Variants in ZNF207 observed in about 807,000 individuals in gnomAD.
ZNF207 encodes the protein BUB3-interacting and GLEBS motif-containing protein ZNF207.
Under a neutral mutation model 60.2 loss-of-function variants are expected in ZNF207, and 24 were observed. That is an observed-to-expected ratio of 0.40 (90% CI 0.29 to 0.56). The LOEUF is 0.56. ZNF207 is among the 20% of genes least tolerant of loss of function. The pLI, the probability that ZNF207 is intolerant of heterozygous loss-of-function variation, is 0.49. For synonymous variants in ZNF207, 236 were observed against 194.7 expected (o/e 1.21, Z -1.77); for missense variants, 452 against 636.6 (o/e 0.71, Z 3.12).
intron 7 of ZNF207, among the ~76,000 whole-genome samples, chr17:32,363,999 G>T (rs989930977): frequency 2.0e-5 from 3 of 151,706 alleles, no homozygotes; most frequent in African/African-American, 7.3e-5. Context: ...CAGACAAGAA[G>T]GGGTGTCGGT....
rs1303842577 is a variant in ZNF207, at chr17:32,362,676, ATGT to A, written c.600-236_600-234del. The A allele has an allele frequency of 9.9e-6, 4 of 404,162 alleles. No individual in the cohort carries two copies. In the East Asian group the frequency reaches 1.5e-4, roughly 16 times the overall value. 25.0% of individuals were successfully genotyped at this position (404,162 alleles called of 1,614,324 possible). ...TATATTTGTTCTCAAATGACTTTAA[ATGT>A]TTTGTCAACATTTTTTTTTTATTGG... is the stretch of plus-strand genomic sequence containing the variant. On this transcript the variant is annotated intron_variant, in intron 6 of 11. Coordinates refer to ENST00000394670, the MANE Select transcript of ZNF207 (RefSeq NM_001098507.2).
chr17:32,354,695 C>A (rs1904402524), intron 2 of ZNF207, among the ~76,000 whole-genome samples: 1 of 152,076 alleles, frequency 6.6e-6, no homozygotes, highest in African/African-American at 2.4e-5. Flanking sequence ...CTCACCGCAG[C>A]CTCTGCCCTC....
At chr17:32,356,831 G>A (rs1456412465) in intron 2 of ZNF207, among the ~76,000 whole-genome samples, 1 of 152,104 alleles carries the variant, frequency 6.6e-6, no homozygotes, top group African/African-American at 2.4e-5. Flanking sequence ...CGCTTATGTA[G>A]CAAAACAATA....
At chr17:32,356,006 A>C (rs952611014) in intron 2 of ZNF207, among the ~76,000 whole-genome samples, 1 of 152,160 alleles carries the variant, frequency 6.6e-6, no homozygotes, top group South Asian at 2.1e-4. Flanking sequence ...GGAAGCTTCA[A>C]GGTTAGTTGA....
Position 32,380,209 on chromosome 17 carries a change from G to C in ZNF207, c.*10450G>C, listed in dbSNP as rs535883264. 26 of 152,762 alleles carry C rather than the reference G, an allele frequency of 1.7e-4. No homozygotes were observed. The South Asian group carries it at 5.0e-3, about 29-fold the overall frequency. The allele number at this position is 152,762 out of a possible 1,614,324, so 9.5% of individuals were successfully genotyped here. ...TGAAAATTTGGTAAGTATTTAACTTGAAGTGCATGTAATAGTGATGAGAGT... is the reference window on the plus strand; with the variant it reads ...TGAAAATTTGGTAAGTATTTAACTTCAAGTGCATGTAATAGTGATGAGAGT... On this transcript the variant is annotated 3_prime_UTR_variant, in exon 12 of 12. Coordinates refer to ENST00000394670, the MANE Select transcript of ZNF207 (RefSeq NM_001098507.2).
At chr17:32,362,501 T>C (rs1469451974) in intron 6 of ZNF207, among the ~76,000 whole-genome samples, 1 of 152,218 alleles carries the variant, frequency 6.6e-6, no homozygotes, top group African/African-American at 2.4e-5. Context: ...ATTCATTCAA[T>C]CTTTTTCTTT....
Position 32,367,810 on chromosome 17 carries a change from C to T in ZNF207, c.960C>T (p.Phe320=), listed in dbSNP as rs774307870. 1.5e-5 allele frequency: 24 copies of T among 1,614,128 alleles called. No homozygotes were observed. In the South Asian group the frequency reaches 2.5e-4, roughly 17 times the overall value. The change falls in exon 10 of 12, where the codon TTC becomes TTT. Residue 320 remains phenylalanine (F), a synonymous_variant. Coordinates refer to ENST00000394670, the MANE Select transcript of ZNF207 (RefSeq NM_001098507.2). ...TCCAAGGACCTGTTGGTACAGATTTCAAACCCTTAAATAGTACCCCTGCAA... is the reference window on the plus strand; with the variant it reads ...TCCAAGGACCTGTTGGTACAGATTTTAAACCCTTAAATAGTACCCCTGCAA... ...AAVQGPVGTD[F]KPLNSTPATT...
intron 5 of ZNF207, 102 bp downstream of exon 5, chr17:32,361,069 C>G: frequency 1.6e-6 from 2 of 1,268,340 alleles, no homozygotes; most frequent in Non-Finnish European, 2.2e-6. Context: ...TTTTTTGCTT[C>G]TAGAAGGTAT....
At chr17:32,367,305 G>C (rs1475826705) in intron 9 of ZNF207, among the ~76,000 whole-genome samples, 1 of 101,398 alleles carries the variant, frequency 9.9e-6, no homozygotes, top group African/African-American at 3.1e-5. Flanking sequence ...ACTAAAGGAT[G>C]TATTTTTATT....
intron 2 of ZNF207, among the ~76,000 whole-genome samples, chr17:32,352,915 G>T (rs941829859): frequency 2.6e-5 from 4 of 152,178 alleles, no homozygotes; most frequent in Non-Finnish European, 4.4e-5. Flanking sequence ...GGTGGCTCAC[G>T]CCTGTAATCC....
Position 32,375,758 on chromosome 17 carries a change from T to A in ZNF207, c.*5999T>A, listed in dbSNP as rs1905654609. ...AAGGTTGTCATTATTGACCTAATATTGAGTAATCTTTCTGCGTTATTCCAA... is the reference window on the plus strand; with the variant it reads ...AAGGTTGTCATTATTGACCTAATATAGAGTAATCTTTCTGCGTTATTCCAA... On this transcript the variant is annotated 3_prime_UTR_variant, in exon 12 of 12. Transcript: ENST00000394670. 6.6e-6 allele frequency: 1 copy of A among 152,282 alleles called. No individual in the cohort carries two copies. The highest frequency in any genetic ancestry group is 2.1e-4 in the South Asian group (1 of 4,832). The allele number at this position is 152,282 out of a possible 1,614,324, so 9.4% of individuals were successfully genotyped here.
rs113689116 is a variant in ZNF207, at chr17:32,354,973, G to A, written c.168+3061G>A. ...GGGTTGAAAGTAAAGTGCAGAGTAC[G>A]GTGAGACCACTTTAGAAGACTTAGA... On this transcript the variant is annotated intron_variant, in intron 2 of 11. Transcript: ENST00000394670. 7.0e-3 allele frequency among the ~76,000 whole-genome samples: 1,062 copies of A among 152,234 alleles called. 12 individuals are homozygous for A. Among genetic ancestry groups the A allele is most frequent in the African/African-American group, 0.023 (966 of 41,540 alleles).
At chr17:32,355,261 G>A (rs965663669) in intron 2 of ZNF207, among the ~76,000 whole-genome samples, 11 of 152,112 alleles carry the variant, frequency 7.2e-5, no homozygotes, top group Non-Finnish European at 1.5e-4. Flanking sequence ...ATGGTGGCAC[G>A]TGCCTGTGTC....
At chr17:32,363,048 G>A (rs1319162214) in intron 7 of ZNF207, 64 bp downstream of exon 7, 43 of 1,455,700 alleles carry the variant, frequency 3.0e-5, no homozygotes, top group Non-Finnish European at 4.1e-5. Context: ...TTTTTTAGAC[G>A]TCTGTGGGCA....
chr17:32,355,680 T>G (rs1904466960), intron 2 of ZNF207, among the ~76,000 whole-genome samples: 1 of 152,192 alleles, frequency 6.6e-6, no homozygotes, highest in Admixed American at 6.5e-5. Context: ...TTAGGTGCTC[T>G]CTGCTCTAGG....
In ZNF207 at chr17:32,375,336, A is replaced by G. The variant is rs1423476824; in HGVS notation, c.*5577A>G. The G allele has an allele frequency of 6.6e-6, 1 of 152,136 alleles. No individual in the cohort carries two copies. The highest frequency in any genetic ancestry group is 2.4e-5 in the African/African-American group (1 of 41,416). The allele number at this position is 152,136 out of a possible 1,614,324, so 9.4% of individuals were successfully genotyped here. A position where few individuals can be genotyped will look rare whatever the true frequency, so the allele number is the denominator to read the frequency against. On this transcript the variant is annotated 3_prime_UTR_variant, in exon 12 of 12. Transcript: ENST00000394670. ...TGGAGATCTGTTTTCTCTATTACCTACCATCCTGCAATATGCTGAAATCTT... is the reference window on the plus strand; with the variant it reads ...TGGAGATCTGTTTTCTCTATTACCTGCCATCCTGCAATATGCTGAAATCTT...
rs1364261997 is a variant in ZNF207, at chr17:32,357,342, A to ATTT, written c.169-1159_169-1158insTTT. On this transcript the variant is annotated intron_variant, in intron 2 of 11. Coordinates refer to ENST00000394670, the MANE Select transcript of ZNF207 (RefSeq NM_001098507.2). ...TATTATTATTATTATTATTATTATTATTATTATTATTTTTTTTTTTTTTTG... is the reference window on the plus strand; with the variant it reads ...TATTATTATTATTATTATTATTATTATTTTTATTATTATTTTTTTTTTTTTTTG... Among the ~76,000 whole-genome samples, 130 of 64,392 alleles carry ATTT rather than the reference A, an allele frequency of 2.0e-3. 5 individuals are homozygous for ATTT. Among genetic ancestry groups the ATTT allele is most frequent in the African/African-American group, 7.2e-3 (82 of 11,416 alleles). 42.2% of individuals were successfully genotyped at this position (64,392 alleles called of 152,430 possible). A position where few individuals can be genotyped will look rare whatever the true frequency, so the allele number is the denominator to read the frequency against.
At position 32,360,911 on chromosome 17, in the gene ZNF207, A is replaced by G. The variant is rs1223168460; in HGVS notation, c.495A>G (p.Pro165=). 1 of 1,614,106 alleles carries G rather than the reference A, an allele frequency of 6.2e-7. No individual in the cohort carries two copies. Residue 165 remains proline (P), a synonymous_variant, in exon 5 of 12, where the codon CCA becomes CCG. Coordinates refer to ENST00000394670, the MANE Select transcript of ZNF207 (RefSeq NM_001098507.2). ...GMPPGIPPLM[P]GVPPLMPGMP... Reference sequence around the variant, plus strand: ...TTGTAGGCATACCTCCATTAATGCCAGGTGTTCCTCCTCTGATGCCAGGAA... The same window carrying G: ...TTGTAGGCATACCTCCATTAATGCCGGGTGTTCCTCCTCTGATGCCAGGAA...
At chr17:32,365,738 G>GTTT (rs60104494) in intron 8 of ZNF207, 40 of 134,068 alleles carry the variant, frequency 3.0e-4, no homozygotes, top group South Asian at 7.2e-4. Context: ...TTTATTCTTA[G>GTTT]TTTTTTTTTT....
Sources: allele counts gnomAD v4.1 joint callset (sites outside exome capture counted in the v4.1 genomes callset), GRCh38; gene constraint gnomAD v4.1.1; transcripts MANE v1.5; gene names NCBI Gene and HGNC (gene_info 2026-07-23, HGNC 2026-07-21).